DPP8: variants seen among roughly 807,000 people sequenced by gnomAD.
DPP8 encodes dipeptidyl peptidase 8.
DPP8 carries 31 observed loss-of-function variants against 107.5 expected under a neutral mutation model. The observed-to-expected ratio is 0.29, with a 90% CI of 0.22 to 0.39. The LOEUF (loss-of-function observed/expected upper bound fraction) is 0.39. Ranked by LOEUF, DPP8 falls within the 10% of genes least tolerant of loss-of-function variation. The pLI is 1.00. For synonymous variants in DPP8, 381 were observed against 356.6 expected, an observed-to-expected ratio of 1.07 and a Z score of -0.77; for missense variants, 842 against 1,076.1, an observed-to-expected ratio of 0.78 and a Z score of 3.04.
chr15:65,500,863 A>G (rs1246003755), intron 3 of DPP8, 84 bp from the exon 4 acceptor site: 17 of 760,420 alleles, frequency 2.2e-5, no homozygotes, highest in African/African-American at 2.0e-4. Flanking sequence ...AATCTCCAAC[A>G]TTATTGACTC....
At chr15:65,457,722 G>T (rs977620499) in intron 15 of DPP8, among the ~76,000 whole-genome samples, 4 of 152,160 alleles carry the variant, frequency 2.6e-5, no homozygotes, top group Admixed American at 1.3e-4. Context: ...ATGAAAAAGA[G>T]AAACAGGAGA....
intron 15 of DPP8, among the ~76,000 whole-genome samples, chr15:65,461,626 A>G (rs902224279): frequency 4.0e-5 from 6 of 150,300 alleles, no homozygotes; most frequent in African/African-American, 1.2e-4. Flanking sequence ...TTTTTGAGAC[A>G]GAGTCTCGCT....
chr15:65,455,839 T>C (rs1170674153), intron 16 of DPP8: 1 of 1,292,834 alleles, frequency 7.7e-7, no homozygotes, highest in Non-Finnish European at 1.0e-6. Context: ...CATTTAAAGC[T>C]TCCTGTAGAG....
chr15:65,482,118 A>T (rs2066986369), intron 8 of DPP8, among the ~76,000 whole-genome samples: 1 of 152,074 alleles, frequency 6.6e-6, no homozygotes, highest in Non-Finnish European at 1.5e-5. Flanking sequence ...CTGCCTTCAC[A>T]ATTTCTCAGG....
intron 3 of DPP8, among the ~76,000 whole-genome samples, chr15:65,501,553 C>T (rs2069239001): frequency 6.6e-6 from 1 of 152,284 alleles, no homozygotes. Context: ...TCTATATCAG[C>T]TTTGTGAAGA....
In DPP8 at chr15:65,506,796, GA is replaced by G. The variant is rs1211204552; in HGVS notation, c.372+446del. ...AAAAAATAAAGATAAAATATTGGGGGAAATAAAACCCCAACCTTTGATTTTA... is the reference window on the plus strand; with the variant it reads ...AAAAAATAAAGATAAAATATTGGGGGAATAAAACCCCAACCTTTGATTTTA... On this transcript the variant is annotated intron_variant, in intron 3 of 19. Coordinates refer to ENST00000300141, the MANE Select transcript of DPP8 (RefSeq NM_130434.5). 1.1e-4 allele frequency among the ~76,000 whole-genome samples: 16 copies of G among 150,606 alleles called. No homozygotes were observed. In the East Asian group the frequency reaches 3.1e-3, roughly 29 times the overall value.
intron 3 of DPP8, 54 bp from the exon 4 acceptor site, chr15:65,500,833 T>G: frequency 7.1e-7 from 1 of 1,414,194 alleles, no homozygotes; most frequent in Admixed American, 2.0e-5. Flanking sequence ...CATCTTTTGC[T>G]TTTAGCACTG....
chr15:65,488,013 G>A (rs959667087), intron 6 of DPP8, among the ~76,000 whole-genome samples, 195 bp from the exon 7 acceptor site: 2 of 152,076 alleles, frequency 1.3e-5, no homozygotes, highest in Non-Finnish European at 2.9e-5. Flanking sequence ...TTCTTTTGGA[G>A]GGAAAACAAC....
At chr15:65,479,615 C>A (rs1469137452) in intron 10 of DPP8, among the ~76,000 whole-genome samples, 3 of 151,692 alleles carry the variant, frequency 2.0e-5, no homozygotes, top group African/African-American at 7.3e-5. Context: ...GAGGCCGAGG[C>A]GGGTGGATCA....
At chr15:65,496,370 T>TG (rs397966455) in intron 5 of DPP8, among the ~76,000 whole-genome samples, 1 of 152,034 alleles carries the variant, frequency 6.6e-6, no homozygotes, top group East Asian at 1.9e-4. Flanking sequence ...AACATAAGAT[T>TG]AAGCAAAAGT....
chr15:65,448,401 G>A lies in DPP8; in HGVS notation c.2527-1395C>T, dbSNP rs577160838. On this transcript the variant is annotated intron_variant, in intron 19 of 19. Transcript: ENST00000300141. ...TTAAAAATATATTTAGGCTGGGCAC[G>A]GTGGCTCATGCCTGTAACCCCAGCA... 2.6e-4 allele frequency among the ~76,000 whole-genome samples: 39 copies of A among 151,468 alleles called. 1 individual carries two copies. In the East Asian group the frequency reaches 5.4e-3, roughly 21 times the overall value.
At position 65,485,154 on chromosome 15, in the gene DPP8, G is replaced by C. The variant is rs760691862; in HGVS notation, c.962C>G (p.Ala321Gly). The C allele has an allele frequency of 2.5e-6, 4 of 1,601,458 alleles. No individual in the cohort carries two copies. The highest frequency in any genetic ancestry group is 2.6e-6 in the Non-Finnish European group (3 of 1,168,646). The change falls in exon 8 of 20, where the codon GCA becomes GGA. Residue 321 changes from alanine to glycine, a missense_variant. Ala to Gly is a moderately conservative substitution (Grantham distance 60). Coordinates refer to ENST00000300141, the MANE Select transcript of DPP8 (RefSeq NM_130434.5). ...CATCTTAAAAGTGACTTTAGGATTTGCTGTACCTTTAGAAAGAGACATAAA... is the reference window on the plus strand; with the variant it reads ...CATCTTAAAAGTGACTTTAGGATTTCCTGTACCTTTAGAAAGAGACATAAA... ...DSFRYPKTGT[A>G]NPKVTFKMSE...
At chr15:65,454,178 C>A in intron 17 of DPP8, 85 bp downstream of exon 17, 7 of 991,062 alleles carry the variant, frequency 7.1e-6, no homozygotes, top group Non-Finnish European at 9.7e-6. Context: ...TGTAAACCTT[C>A]AGAAAATAGA....
intron 16 of DPP8, among the ~76,000 whole-genome samples, chr15:65,455,994 CA>C (rs2064379285): frequency 6.6e-6 from 1 of 152,154 alleles, no homozygotes; most frequent in Non-Finnish European, 1.5e-5. Context: ...ACATACAAAA[CA>C]GAGAGGATAT....
intron 19 of DPP8, 183 bp downstream of exon 19, chr15:65,450,816 G>A: frequency 2.0e-6 from 1 of 504,180 alleles, no homozygotes; most frequent in Non-Finnish European, 3.5e-6. Context: ...ATGTCAGCCT[G>A]ACTGCAACAG....
chr15:65,512,689 G>A, intron 1 of DPP8, 125 bp from the exon 2 acceptor site: 2 of 895,508 alleles, frequency 2.2e-6, no homozygotes. Flanking sequence ...TTTTAGCACA[G>A]CTGCAATGAA....
intron 15 of DPP8, chr15:65,459,007 T>C (rs536962810): frequency 9.4e-5 from 14 of 148,960 alleles, no homozygotes; most frequent in African/African-American, 3.4e-4. Flanking sequence ...CCCTGCAAAC[T>C]GAACACCAGA....
At chr15:65,448,768 TAC>T (rs2063685399) in intron 19 of DPP8, among the ~76,000 whole-genome samples, 1 of 138,308 alleles carries the variant, frequency 7.2e-6, no homozygotes, top group Admixed American at 7.6e-5. Context: ...ATCTGAAATA[TAC>T]ATATATATCT....
intron 3 of DPP8, among the ~76,000 whole-genome samples, chr15:65,503,733 C>T (rs569478572): frequency 6.6e-6 from 1 of 152,116 alleles, no homozygotes; most frequent in Admixed American, 6.6e-5. Context: ...ATCGATTCTC[C>T]CACCTCAGCC....
Sources: allele counts gnomAD v4.1 joint callset (sites outside exome capture counted in the v4.1 genomes callset), GRCh38; gene constraint gnomAD v4.1.1; transcripts MANE v1.5; gene names NCBI Gene and HGNC (gene_info 2026-07-23, HGNC 2026-07-21).